TEX36: variants seen among roughly 807,000 people sequenced by gnomAD.
TEX36 encodes testis-expressed protein 36.
A neutral mutation model predicts 13.6 loss-of-function variants in TEX36; 12 were observed. The observed-to-expected ratio is 0.88, with a 90% CI of 0.56 to 1.43. TEX36 has a LOEUF of 1.43. Ranked by LOEUF, TEX36 falls within the 40% of genes most tolerant of loss-of-function variation. The pLI is 0.00. For missense variants in TEX36, 224 were observed against 228.3 expected, an observed-to-expected ratio of 0.98 and a Z score of 0.12; for synonymous variants, 93 against 83.0, an observed-to-expected ratio of 1.12 and a Z score of -0.65.
At position 125,675,228 on chromosome 10, in the gene TEX36, G is replaced by A. The variant is rs1847293277; in HGVS notation, c.51+7711C>T. Among the ~76,000 whole-genome samples, 3 of 152,304 alleles carry A rather than the reference G, an allele frequency of 2.0e-5. No homozygotes were observed. The South Asian group carries it at 6.2e-4, about 32-fold the overall frequency. ...CCACAGCTGCTATGCTGTGCTGTGG[G>A]AAATTCCTCCTGGGTCCACATGGTC... On this transcript the variant is annotated intron_variant, in intron 1 of 3. Coordinates refer to ENST00000368821, the MANE Select transcript of TEX36 (RefSeq NM_001128202.3).
downstream of TEX36, among the ~76,000 whole-genome samples, chr10:125,620,561 A>T (rs1279494934): frequency 6.6e-6 from 1 of 152,238 alleles, no homozygotes; most frequent in African/African-American, 2.4e-5. Flanking sequence ...CCCAGGCCAG[A>T]ACACTAGCTG....
chr10:125,663,772 T>C (rs1483448801), intron 1 of TEX36, among the ~76,000 whole-genome samples: 1 of 152,188 alleles, frequency 6.6e-6, no homozygotes, highest in Admixed American at 6.5e-5. Flanking sequence ...GATATTTTGA[T>C]ACAGGCATAC....
intron 3 of TEX36, among the ~76,000 whole-genome samples, chr10:125,611,197 C>T (rs551822958): frequency 4.1e-4 from 63 of 152,266 alleles, no homozygotes; most frequent in African/African-American, 1.2e-3. Flanking sequence ...ATATCCTTCA[C>T]GCAATCTTTG....
At chr10:125,662,384 C>T (rs1366052049) in intron 1 of TEX36, among the ~76,000 whole-genome samples, 1 of 152,236 alleles carries the variant, frequency 6.6e-6, no homozygotes. Context: ...AGCCAACCTC[C>T]AGCAATGTAG....
At chr10:125,631,300 A>C (rs973812268) in intron 3 of TEX36, among the ~76,000 whole-genome samples, 2 of 152,228 alleles carry the variant, frequency 1.3e-5, no homozygotes, top group Non-Finnish European at 2.9e-5. Context: ...CTCCTAAAAA[A>C]TAGCGGGTAT....
downstream of TEX36, among the ~76,000 whole-genome samples, chr10:125,616,978 G>A (rs141083658): frequency 0.016 from 2,361 of 152,264 alleles, 25 homozygotes; most frequent in Admixed American, 0.029. Flanking sequence ...CTTGTATTGG[G>A]TGCATATGTA....
chr10:125,613,075 G>A (rs1407736536), intron 3 of TEX36, among the ~76,000 whole-genome samples: 1 of 151,956 alleles, frequency 6.6e-6, no homozygotes, highest in Non-Finnish European at 1.5e-5. Flanking sequence ...CTGAGAGACT[G>A]AGAGCAGAAC....
At chr10:125,590,842 T>C (rs938212907) in intron 3 of TEX36, among the ~76,000 whole-genome samples, 1 of 152,216 alleles carries the variant, frequency 6.6e-6, no homozygotes, top group African/African-American at 2.4e-5. Context: ...TATATAGATA[T>C]AGATATATTG....
rs370555385 is a variant in TEX36, at chr10:125,659,477, C to T, written c.264+1544G>A. ...GTGTGAATTTATTTTTAATTTTATA[C>T]AATTCTGTATGATTTCAGTTTTTTA... On this transcript the variant is annotated intron_variant, in intron 3 of 3. Coordinates refer to ENST00000368821, the MANE Select transcript of TEX36 (RefSeq NM_001128202.3). Among the ~76,000 whole-genome samples, 33 of 152,244 alleles carry T rather than the reference C, an allele frequency of 2.2e-4. 3 individuals carry two copies. The highest frequency in any genetic ancestry group is 1.6e-3 in the Admixed American group (25 of 15,292).
At chr10:125,617,926 A>G (rs1417753452), downstream of TEX36, among the ~76,000 whole-genome samples, 3 of 152,178 alleles carry the variant, frequency 2.0e-5, no homozygotes, top group Non-Finnish European at 4.4e-5. Context: ...AGGTACACCA[A>G]TCAGATGTAG....
In TEX36 at chr10:125,655,904, G is replaced by T. The variant is rs1846932020; in HGVS notation, c.557C>A (p.Ser186Tyr). 2.6e-6 allele frequency: 4 copies of T among 1,515,744 alleles called. No individual in the cohort carries two copies. Among genetic ancestry groups the T allele is most frequent in the Admixed American group, 4.4e-5 (2 of 45,300 alleles). The allele number at this position is 1,515,744 out of a possible 1,614,324, so 93.9% of individuals were successfully genotyped here. A position where few individuals can be genotyped will look rare whatever the true frequency, so the allele number is the denominator to read the frequency against. Residue 186 changes from serine to tyrosine, a missense_variant, in exon 4 of 4, where the codon TCC (serine) becomes TAC (tyrosine). Transcript: ENST00000368821. ...VDKKVVSSLE[S>Y] ...ATCAAAAATCTTCTGGGAGGATTAG[G>T]ACTCCAGTGAAGAAACAACCTTTTT...
chr10:125,674,402 C>T (rs1847280362), intron 1 of TEX36, among the ~76,000 whole-genome samples: 2 of 152,132 alleles, frequency 1.3e-5, no homozygotes, highest in African/African-American at 4.8e-5. Flanking sequence ...TATTACTCAC[C>T]TTCTGAAGCC....
intron 3 of TEX36, among the ~76,000 whole-genome samples, chr10:125,660,228 G>A (rs968504776): frequency 1.2e-4 from 19 of 152,120 alleles, no homozygotes; most frequent in South Asian, 4.1e-4. Context: ...GAGCTCAAGT[G>A]AACCTCCCAC....
At chr10:125,596,212 G>A (rs1455790868) in intron 3 of TEX36, among the ~76,000 whole-genome samples, 1 of 152,158 alleles carries the variant, frequency 6.6e-6, no homozygotes, top group African/African-American at 2.4e-5. Context: ...CTTTGCCAAT[G>A]TGATTGTTAC....
intron 1 of TEX36, among the ~76,000 whole-genome samples, chr10:125,681,369 G>A (rs1847389647): frequency 6.6e-6 from 1 of 152,172 alleles, no homozygotes; most frequent in Non-Finnish European, 1.5e-5. Context: ...TAAAATTCAG[G>A]CTAACAATTG....
At chr10:125,649,934 C>A (rs557252524) in intron 3 of TEX36, among the ~76,000 whole-genome samples, 1 of 152,304 alleles carries the variant, frequency 6.6e-6, no homozygotes, top group Admixed American at 6.5e-5. Context: ...ATCAATTTAT[C>A]AAGAAGAGCT....
intron 3 of TEX36, among the ~76,000 whole-genome samples, chr10:125,615,632 C>T (rs1467126757): frequency 6.6e-6 from 1 of 150,676 alleles, no homozygotes; most frequent in Non-Finnish European, 1.5e-5. Flanking sequence ...AGGGATGAAG[C>T]CCACTTGATC....
chr10:125,673,232 T>A (rs1042029736), intron 1 of TEX36, among the ~76,000 whole-genome samples: 3 of 151,914 alleles, frequency 2.0e-5, no homozygotes, highest in African/African-American at 7.2e-5. Flanking sequence ...TTGGTCTTTG[T>A]ACTTCAGTGG....
intron 3 of TEX36, among the ~76,000 whole-genome samples, chr10:125,582,655 T>C (rs1192554044): frequency 6.6e-6 from 1 of 152,194 alleles, no homozygotes; most frequent in Non-Finnish European, 1.5e-5. Flanking sequence ...CAATTCATCA[T>C]TTGTTCATTC....
Sources: gnomAD v4.1 joint callset for allele counts (sites outside exome capture counted in the v4.1 genomes callset) on GRCh38, gnomAD v4.1.1 for gene constraint, MANE v1.5 for transcripts, NCBI Gene and HGNC (gene_info 2026-07-23, HGNC 2026-07-21) for gene names.